The following CDH23 variants were observed in gnomAD, a reference collection of about 807,000 sequenced individuals.
The protein encoded by CDH23 is cadherin-23.
In CDH23, 189 loss-of-function variants were observed where a neutral mutation model predicts 317.1. The observed-to-expected ratio is 0.60, with a 90% CI of 0.53 to 0.67. CDH23 has a LOEUF of 0.67. Ranked by LOEUF, CDH23 falls within the 30% of genes least tolerant of loss-of-function variation. CDH23 has a pLI of 0.00. For synonymous variants in CDH23, 1,839 were observed against 1,876.8 expected, an observed-to-expected ratio of 0.98 and a Z score of 0.52; for missense variants, 4,401 against 4,592.4, an observed-to-expected ratio of 0.96 and a Z score of 1.20.
intron 6 of CDH23, among the ~76,000 whole-genome samples, chr10:71,524,949 T>C (rs1477945641): frequency 6.6e-6 from 1 of 152,280 alleles, no homozygotes; most frequent in African/African-American, 2.4e-5. Context: ...AGAGTCTTAC[T>C]CTGTCACCCA....
chr10:71,643,367 G>C (rs1230478136), intron 11 of CDH23, among the ~76,000 whole-genome samples: 3 of 152,162 alleles, frequency 2.0e-5, no homozygotes, highest in Non-Finnish European at 4.4e-5. Flanking sequence ...AATTTGCCAT[G>C]TCTCTGCTCA....
At chr10:71,547,871 G>A (rs923434677) in intron 6 of CDH23, among the ~76,000 whole-genome samples, 1 of 152,210 alleles carries the variant, frequency 6.6e-6, no homozygotes, top group Admixed American at 6.5e-5. Flanking sequence ...ACCCAGAGAG[G>A]CCTCCATGGA....
chr10:71,787,162 G>A (rs1841127993), intron 44 of CDH23, among the ~76,000 whole-genome samples: 1 of 152,154 alleles, frequency 6.6e-6, no homozygotes, highest in Non-Finnish European at 1.5e-5. Flanking sequence ...AGATGGAACA[G>A]GATTCAATCC....
At chr10:71,683,049 C>T (rs1431627344) in intron 18 of CDH23, among the ~76,000 whole-genome samples, 1 of 152,164 alleles carries the variant, frequency 6.6e-6, no homozygotes, top group African/African-American at 2.4e-5. Context: ...GGTCTGAAAC[C>T]AAGCCACAGT....
chr10:71,654,034 G>A (rs1056827381), intron 14 of CDH23, among the ~76,000 whole-genome samples: 23 of 152,142 alleles, frequency 1.5e-4, no homozygotes, highest in Admixed American at 5.2e-4. Context: ...TTTTGTCTGT[G>A]CTCAACCCCG....
chr10:71,625,421 A>AAAACAC, intron 11 of CDH23, among the ~76,000 whole-genome samples: 1 of 92,378 alleles, frequency 1.1e-5, no homozygotes, highest in East Asian at 3.4e-4. Flanking sequence ...AAAAAAAAAA[A>AAAACAC]AAATGACAAG....
At chr10:71,542,976 G>A (rs982462629) in intron 6 of CDH23, among the ~76,000 whole-genome samples, 3 of 152,248 alleles carry the variant, frequency 2.0e-5, no homozygotes, top group Admixed American at 6.5e-5. Flanking sequence ...AAGGGGAATT[G>A]GATGGGAGTG....
chr10:71,583,707 C>T (rs537025028), intron 9 of CDH23, among the ~76,000 whole-genome samples: 43 of 152,268 alleles, frequency 2.8e-4, no homozygotes, highest in East Asian at 9.7e-4. Context: ...GGACCATCCC[C>T]GAGTGACGGG....
chr10:71,452,209 C>T (rs1264753079), intron 3 of CDH23, among the ~76,000 whole-genome samples: 1 of 151,300 alleles, frequency 6.6e-6, no homozygotes, highest in Non-Finnish European at 1.5e-5. Context: ...AGCATGAAGC[C>T]TGGCTTGGAG....
chr10:71,777,609 G>A, intron 38 of CDH23, 71 bp from the exon 39 acceptor site: 1 of 1,383,432 alleles, frequency 7.2e-7, no homozygotes, highest in East Asian at 2.5e-5. Context: ...CAGCCCAGGA[G>A]AACAGCCATC....
chr10:71,815,213 T>C lies in CDH23; in HGVS notation c.10000T>C (p.Ser3334Pro). 1.2e-6 allele frequency: 2 copies of C among 1,604,902 alleles called. No homozygotes were observed. Among genetic ancestry groups the C allele is most frequent in the Non-Finnish European group, 1.7e-6 (2 of 1,173,434 alleles). The change falls in exon 70 of 70, where the codon TCC becomes CCC. Residue 3334 changes from serine to proline, a missense_variant. By Grantham distance (74) the Ser-to-Pro change is moderately conservative. Coordinates refer to ENST00000224721, the MANE Select transcript of CDH23 (RefSeq NM_022124.6). Reference protein sequence around the residue: ...ERNARTESAKSTPLHKLRDVI... With the variant: ...ERNARTESAKPTPLHKLRDVI... Reference sequence around the variant, plus strand: ...CAACGCCCGCACAGAATCCGCCAAATCCACACCCCTGCACAAACTTCGCGA... The same window carrying C: ...CAACGCCCGCACAGAATCCGCCAAACCCACACCCCTGCACAAACTTCGCGA...
At chr10:71,532,289 G>A (rs1855417056) in intron 6 of CDH23, among the ~76,000 whole-genome samples, 1 of 152,236 alleles carries the variant, frequency 6.6e-6, no homozygotes, top group Non-Finnish European at 1.5e-5. Flanking sequence ...AGCCCCATCT[G>A]CCTCTCACAG....
chr10:71,800,565 T>G, intron 52 of CDH23, 71 bp from the exon 53 acceptor site: 2 of 1,526,702 alleles, frequency 1.3e-6, no homozygotes, highest in Middle Eastern at 1.7e-4. Context: ...TAACAGCATC[T>G]GGCCATAGTA....
intron 38 of CDH23, among the ~76,000 whole-genome samples, chr10:71,768,330 C>T (rs188952732): frequency 3.2e-4 from 49 of 152,236 alleles, no homozygotes; most frequent in African/African-American, 1.1e-3. Flanking sequence ...GCCACCACGC[C>T]TGGCTAATTT....
At chr10:71,774,707 C>A (rs145795199) in intron 38 of CDH23, among the ~76,000 whole-genome samples, 1 of 152,196 alleles carries the variant, frequency 6.6e-6, no homozygotes, top group East Asian at 1.9e-4. Flanking sequence ...AAGAGCACAG[C>A]CATTTTACTC....
intron 3 of CDH23, among the ~76,000 whole-genome samples, chr10:71,456,565 C>T (rs1257137870): frequency 6.6e-6 from 1 of 152,084 alleles, no homozygotes; most frequent in Non-Finnish European, 1.5e-5. Context: ...TGGATGCGGC[C>T]ATAATAACAC....
chr10:71,669,181 T>G (rs918568585), intron 14 of CDH23, among the ~76,000 whole-genome samples: 18 of 152,186 alleles, frequency 1.2e-4, no homozygotes, highest in Admixed American at 4.6e-4. Flanking sequence ...GGCAGAGGCT[T>G]CCTGAGGCCT....
chr10:71,593,598 G>A (rs1220223302), intron 9 of CDH23, among the ~76,000 whole-genome samples: 5 of 152,204 alleles, frequency 3.3e-5, no homozygotes, highest in Non-Finnish European at 4.4e-5. Flanking sequence ...AATTCCTGCA[G>A]ATCGAGAGGA....
chr10:71,674,733 G>A (rs548587513), intron 14 of CDH23, among the ~76,000 whole-genome samples: 2 of 152,332 alleles, frequency 1.3e-5, no homozygotes, highest in African/African-American at 4.8e-5. Context: ...TTGAGTGAAT[G>A]AACGATGTCA....
Sources: gnomAD v4.1 joint callset for allele counts (sites outside exome capture counted in the v4.1 genomes callset) on GRCh38, gnomAD v4.1.1 for gene constraint, MANE v1.5 for transcripts, NCBI Gene and HGNC (gene_info 2026-07-23, HGNC 2026-07-21) for gene names.